The following NPHP4 variants were observed in gnomAD, a reference collection of about 807,000 sequenced individuals.
NPHP4 encodes the protein nephrocystin 4, also known as nephrocystin-4.
A neutral mutation model predicts 155.8 loss-of-function variants in NPHP4; 151 were observed. That is an observed-to-expected ratio of 0.97 (90% CI 0.85 to 1.11). The LOEUF (loss-of-function observed/expected upper bound fraction) is 1.11, where lower values mean the gene tolerates loss of function less well. NPHP4 is among the 50% of genes least tolerant of loss of function. The probability of loss-of-function intolerance (pLI) is 0.00; values close to 1 mark genes in which losing one functional copy is unlikely to be tolerated. For synonymous variants in NPHP4, 845 were observed against 816.8 expected (o/e 1.03, Z -0.59); for missense variants, 1,956 against 1,925.7 (o/e 1.02, Z -0.29).
intron 19 of NPHP4, chr1:5,879,775 GCGCACACA>G (rs1457852205): frequency 9.1e-6 from 3 of 328,264 alleles, no homozygotes; most frequent in East Asian, 6.8e-5. Flanking sequence ...CACGAATGGT[GCGCACACA>G]CACACACACA....
chr1:5,976,194 C>T (rs992194528), intron 3 of NPHP4, among the ~76,000 whole-genome samples: 4 of 152,154 alleles, frequency 2.6e-5, no homozygotes, highest in Admixed American at 6.5e-5. Flanking sequence ...CACCCCCACC[C>T]GCCACATGGG....
At chr1:5,887,780 G>A (rs1239656447) in intron 17 of NPHP4, among the ~76,000 whole-genome samples, 1 of 152,220 alleles carries the variant, frequency 6.6e-6, no homozygotes, top group African/African-American at 2.4e-5. Flanking sequence ...TGCCCTGGAG[G>A]ATCCTCCCCT....
At chr1:5,907,599 C>T (rs558038089) in intron 12 of NPHP4, among the ~76,000 whole-genome samples, 85 of 152,374 alleles carry the variant, frequency 5.6e-4, no homozygotes, top group Non-Finnish European at 9.7e-4. Context: ...TAGCCGCCTG[C>T]GTTCCTATCG....
rs1641314494 is a variant in NPHP4, at chr1:5,867,088, TC to T, written c.3499del (p.Asp1167ThrfsTer30). On this transcript the variant is annotated frameshift_variant, in exon 25 of 30. Transcript: ENST00000378156. LOFTEE classifies it high-confidence loss of function. This position sits in a 1 kb window ranked among gnomAD's most constrained non-coding sequence, Gnocchi z 4.1. ...PGAPVGMLGEDPPVHVRCSDP... is the reference protein window; with the variant it reads ...PGAPVGMLGEXPPVHVRCSDP... ...GCTGCAGCGAACATGGACTGGGGGG[TC>T]CTCACCAAGCATTCCCACCGGAGCA... 6.2e-7 allele frequency: 1 copy of T among 1,611,314 alleles called. No homozygotes were observed. The highest frequency in any genetic ancestry group is 1.7e-5 in the Admixed American group (1 of 59,748).
At chr1:5,969,048 C>A in intron 4 of NPHP4, 39 bp downstream of exon 4, 1 of 1,353,372 alleles carries the variant, frequency 7.4e-7, no homozygotes, top group Non-Finnish European at 1.0e-6. Flanking sequence ...AAAAGACAGA[C>A]GCTGGAAAAC....
chr1:5,914,251 T>C (rs1645338732), intron 11 of NPHP4, among the ~76,000 whole-genome samples: 1 of 51,896 alleles, frequency 1.9e-5, no homozygotes, highest in Non-Finnish European at 3.3e-5. Context: ...CAAAATCTTA[T>C]CTATACAAAA....
At chr1:5,949,460 G>A (rs752911165) in intron 7 of NPHP4, among the ~76,000 whole-genome samples, 5 of 151,708 alleles carry the variant, frequency 3.3e-5, no homozygotes, top group Non-Finnish European at 5.9e-5. Context: ...GCCAAACACC[G>A]TTCATGCACA....
chr1:5,960,470 T>A, intron 6 of NPHP4, among the ~76,000 whole-genome samples: 1 of 152,040 alleles, frequency 6.6e-6, no homozygotes, highest in Non-Finnish European at 1.5e-5. Flanking sequence ...CCGAGCTGCA[T>A]CCTTTTCTTC....
intron 11 of NPHP4, among the ~76,000 whole-genome samples, chr1:5,913,105 C>G (rs150680594): frequency 6.7e-6 from 1 of 149,282 alleles, no homozygotes; most frequent in Non-Finnish European, 1.5e-5. Flanking sequence ...GAGCAGAGAT[C>G]GCGCCACTGC....
chr1:5,877,361 C>A, intron 19 of NPHP4, 63 bp from the exon 20 acceptor site: 2 of 1,396,228 alleles, frequency 1.4e-6, no homozygotes, highest in Non-Finnish European at 2.0e-6. Flanking sequence ...GGAGCAGACA[C>A]CAGGGCAGGC....
chr1:5,960,203 T>C (rs992376498), intron 6 of NPHP4, among the ~76,000 whole-genome samples: 8 of 152,172 alleles, frequency 5.3e-5, no homozygotes, highest in Admixed American at 4.6e-4. Flanking sequence ...AGAGCACTTA[T>C]AGCTCAGTGA....
intron 16 of NPHP4, among the ~76,000 whole-genome samples, chr1:5,902,573 T>C (rs1199444246): frequency 6.6e-6 from 1 of 152,246 alleles, no homozygotes; most frequent in Non-Finnish European, 1.5e-5. Flanking sequence ...TATTGTTTTG[T>C]CTTCTAAGCA....
At chr1:5,953,150 AG>A (rs1476274134) in intron 6 of NPHP4, among the ~76,000 whole-genome samples, 2 of 152,168 alleles carry the variant, frequency 1.3e-5, no homozygotes, top group African/African-American at 2.4e-5. Context: ...TCTGTCGCCC[AG>A]GCTGGAGTGC....
At chr1:5,970,538 T>C (rs909948902) in intron 3 of NPHP4, among the ~76,000 whole-genome samples, 13 of 152,038 alleles carry the variant, frequency 8.6e-5, no homozygotes, top group African/African-American at 2.9e-4. Flanking sequence ...CGTAGCACAG[T>C]AGACAGAGAT....
intron 5 of NPHP4, among the ~76,000 whole-genome samples, chr1:5,962,964 G>A (rs1234309995): frequency 1.3e-5 from 2 of 152,250 alleles, no homozygotes; most frequent in Admixed American, 1.3e-4. Flanking sequence ...ACATCCCGAG[G>A]CACAGGGCAT....
intron 11 of NPHP4, among the ~76,000 whole-genome samples, chr1:5,923,501 T>A (rs368372673): frequency 1.1e-3 from 168 of 152,246 alleles, no homozygotes; most frequent in African/African-American, 3.8e-3. Context: ...TAGCATTCAG[T>A]AGAGCGCGGA....
chr1:5,876,783 G>C (rs1642651309), intron 20 of NPHP4: 1 of 311,592 alleles, frequency 3.2e-6, no homozygotes, highest in African/African-American at 2.1e-5. Context: ...CTGGTCCCCA[G>C]ACCTGGGAGA....
intron 16 of NPHP4, among the ~76,000 whole-genome samples, chr1:5,895,501 A>G (rs764892235): frequency 9.2e-5 from 14 of 152,108 alleles, no homozygotes; most frequent in Non-Finnish European, 1.8e-4. Flanking sequence ...CTTCGTTTCA[A>G]ACAGAAACAA....
chr1:5,956,619 C>G (rs942454188), intron 6 of NPHP4, among the ~76,000 whole-genome samples: 1 of 152,166 alleles, frequency 6.6e-6, no homozygotes, highest in Non-Finnish European at 1.5e-5. Flanking sequence ...CTGTGACCTT[C>G]GAGAGGCCAG....
Sources: gnomAD v4.1 joint callset for allele counts (sites outside exome capture counted in the v4.1 genomes callset) on GRCh38, gnomAD v4.1.1 for gene constraint, Gnocchi (gnomAD v3.1) non-coding constraint, MANE v1.5 for transcripts, NCBI Gene and HGNC (gene_info 2026-07-23, HGNC 2026-07-21) for gene names.